The following FAM81A variants were observed in gnomAD, a reference collection of about 807,000 sequenced individuals.
FAM81A encodes the protein protein FAM81A.
A neutral mutation model predicts 46.7 loss-of-function variants in FAM81A; 19 were observed. The ratio of observed to expected loss-of-function variants is 0.41; its 90% CI spans 0.28 to 0.60. FAM81A has a LOEUF of 0.60. Among genes scored for constraint, FAM81A ranks in the 20% least tolerant of loss-of-function variants. The pLI, the probability that FAM81A is intolerant of heterozygous loss-of-function variation, is 0.34. For missense variants in FAM81A, 377 were observed against 453.5 expected (o/e 0.83, Z 1.53); for synonymous variants, 183 against 152.9 (o/e 1.20, Z -1.45).
In FAM81A at chr15:59,458,718, C is replaced by CTGT. The variant is rs1336992213; in HGVS notation, c.20+74_20+76dup. The stretch of plus-strand genomic sequence containing the variant: ...TGATAGTTACAAATCAAAGCTTGGG[C>CTGT]TGTTACATTATCGGAGAATGGTTTT... On this transcript the variant is annotated intron_variant, in intron 2 of 8. Transcript: ENST00000288228. 3 of 1,415,494 alleles carry CTGT rather than the reference C, an allele frequency of 2.1e-6. No individual in the cohort carries two copies. The African/African-American group carries it at 4.2e-5, about 20-fold the overall frequency. 87.7% of individuals were successfully genotyped at this position (1,415,494 alleles called of 1,614,324 possible).
At chr15:59,406,141 A>G (rs1311221029) in intron 2 of FAM81A, among the ~76,000 whole-genome samples, 2 of 152,224 alleles carry the variant, frequency 1.3e-5, no homozygotes, top group African/African-American at 2.4e-5. Context: ...GTGCTAGAGC[A>G]TGTGCCTTCC....
intron 2 of FAM81A, chr15:59,409,142 C>T (rs531669707): frequency 1.3e-5 from 2 of 152,322 alleles, no homozygotes; most frequent in African/African-American, 2.4e-5. Context: ...AGATGATACT[C>T]CTATTCCCTC....
intron 2 of FAM81A, among the ~76,000 whole-genome samples, chr15:59,432,210 C>T (rs1403827394): frequency 6.6e-6 from 1 of 152,142 alleles, no homozygotes; most frequent in Non-Finnish European, 1.5e-5. Flanking sequence ...ATGCTCAAAT[C>T]CCAAAACATG....
chr15:59,465,334 G>T (rs148346455), intron 3 of FAM81A, among the ~76,000 whole-genome samples: 2 of 152,256 alleles, frequency 1.3e-5, no homozygotes, highest in East Asian at 3.9e-4. Context: ...GTGCAGTGGC[G>T]TGATATTGGC....
chr15:59,401,408 C>G, intron 1 of FAM81A: 1 of 799,000 alleles, frequency 1.3e-6, no homozygotes, highest in Non-Finnish European at 2.3e-6. Context: ...CTTCTTTACA[C>G]CAAATATTGG....
chr15:59,492,459 A>T (rs1006837318), intron 4 of FAM81A, 70 bp downstream of exon 4: 2 of 1,206,138 alleles, frequency 1.7e-6, no homozygotes, highest in African/African-American at 3.0e-5. Context: ...ATAGTGGGGA[A>T]TATATTAATG....
intron 2 of FAM81A, among the ~76,000 whole-genome samples, chr15:59,420,042 A>G (rs797009810): frequency 1.3e-5 from 2 of 152,326 alleles, no homozygotes; most frequent in African/African-American, 4.8e-5. Context: ...CCTCATGCAT[A>G]CTGGATTGAT....
chr15:59,473,025 T>G (rs1364576213), intron 3 of FAM81A, among the ~76,000 whole-genome samples: 1 of 152,168 alleles, frequency 6.6e-6, no homozygotes, highest in Admixed American at 6.6e-5. Context: ...CATTTCAATT[T>G]TGAAAGGGAT....
chr15:59,520,503 T>A (rs553269766), intron 8 of FAM81A, among the ~76,000 whole-genome samples: 1 of 152,304 alleles, frequency 6.6e-6, no homozygotes, highest in South Asian at 2.1e-4. Context: ...TTGACCTTTT[T>A]AAAGAATACC....
intron 4 of FAM81A, among the ~76,000 whole-genome samples, chr15:59,495,699 T>C (rs143464144): frequency 6.6e-6 from 1 of 152,356 alleles, no homozygotes; most frequent in Non-Finnish European, 1.5e-5. Context: ...ATCTTTTCGA[T>C]TATAGCCATC....
Position 59,459,396 on chromosome 15 carries a change from C to G in FAM81A, c.21-537C>G, listed in dbSNP as rs368839477. Among the ~76,000 whole-genome samples, 28 of 152,282 alleles carry G rather than the reference C, an allele frequency of 1.8e-4. No homozygotes were observed. The East Asian group carries it at 5.4e-3, about 29-fold the overall frequency. The stretch of plus-strand genomic sequence containing the variant: ...CTTTTCTTGAGAAATATCAGATCAT[C>G]TGGAAAAAGGGACCTGAAATCCCTG... On this transcript the variant is annotated intron_variant, in intron 2 of 8. Coordinates refer to ENST00000288228, the MANE Select transcript of FAM81A (RefSeq NM_152450.3).
chr15:59,491,949 G>A (rs1311554015), intron 3 of FAM81A, among the ~76,000 whole-genome samples: 1 of 151,278 alleles, frequency 6.6e-6, no homozygotes, highest in African/African-American at 2.4e-5. Context: ...CTGGGCAACA[G>A]AGCAAGACTC....
intron 2 of FAM81A, among the ~76,000 whole-genome samples, chr15:59,410,895 C>CAT: frequency 1.3e-5 from 2 of 152,086 alleles, no homozygotes; most frequent in Non-Finnish European, 2.9e-5. Context: ...GGATTACAGG[C>CAT]ATGCGTCACC....
rs1317026202 is a variant in FAM81A at position 59,516,718 on chromosome 15, A to G, written c.860A>G (p.Gln287Arg). The change falls in exon 8 of 9, where the codon CAA becomes CGA. Residue 287 changes from glutamine (Q) to arginine (R), a missense_variant. Physicochemically the swap from Gln to Arg is conservative, Grantham distance 43. Transcript: ENST00000288228. ...AGGCTTGACAAAATAGAAGAGGGTC[A>G]AAAGAAGACTTTTGATGGTCAGAGA... ...SARLDKIEEGQKKTFDGQRTR... is the reference protein window; with the variant it reads ...SARLDKIEEGRKKTFDGQRTR... 6 of 1,613,742 alleles carry G rather than the reference A, an allele frequency of 3.7e-6. No homozygotes were observed. The highest frequency in any genetic ancestry group is 1.6e-4 in the Middle Eastern group (1 of 6,084).
chr15:59,412,834 G>A (rs2081128247), intron 2 of FAM81A, among the ~76,000 whole-genome samples: 1 of 152,170 alleles, frequency 6.6e-6, no homozygotes, highest in African/African-American at 2.4e-5. Flanking sequence ...AAGGCAGAGT[G>A]TTGCCCCAGG....
intron 4 of FAM81A, among the ~76,000 whole-genome samples, chr15:59,505,994 A>G (rs1454949812): frequency 6.6e-6 from 1 of 152,122 alleles, no homozygotes; most frequent in African/African-American, 2.4e-5. Context: ...CTTCCTAACA[A>G]TCTTTAGGGC....
intron 1 of FAM81A, among the ~76,000 whole-genome samples, chr15:59,453,261 C>T (rs1231207074): frequency 1.3e-5 from 2 of 152,190 alleles, no homozygotes; most frequent in Non-Finnish European, 2.9e-5. Context: ...CAAATCTCTG[C>T]TCTACTGCTT....
chr15:59,498,175 A>G (rs542880140), intron 4 of FAM81A, among the ~76,000 whole-genome samples: 153 of 152,336 alleles, frequency 1.0e-3, no homozygotes, highest in African/African-American at 3.6e-3. Flanking sequence ...TGGATCCACA[A>G]ATGTGGATAT....
At position 59,458,536 on chromosome 15, in the gene FAM81A, T is replaced by C. The variant is rs2081511326; in HGVS notation, c.-77-14T>C. 6.3e-7 allele frequency: 1 copy of C among 1,591,910 alleles called. No homozygotes were observed. Among genetic ancestry groups the C allele is most frequent in the African/African-American group, 1.3e-5 (1 of 74,538 alleles). On this transcript the variant is annotated splice_polypyrimidine_tract_variant and intron_variant, in intron 1 of 8. Coordinates refer to ENST00000288228, the MANE Select transcript of FAM81A (RefSeq NM_152450.3). ...ATAAACTGTTAAATAATTTAGTGCTTATTTTTTCAACAGATGTGAATTATT... is the reference window on the plus strand; with the variant it reads ...ATAAACTGTTAAATAATTTAGTGCTCATTTTTTCAACAGATGTGAATTATT...
Sources: gnomAD v4.1 joint callset for allele counts (sites outside exome capture counted in the v4.1 genomes callset) on GRCh38, gnomAD v4.1.1 for gene constraint, MANE v1.5 for transcripts, NCBI Gene and HGNC (gene_info 2026-07-23, HGNC 2026-07-21) for gene names.